R3HCC1L: variants seen among roughly 807,000 people sequenced by gnomAD.
R3HCC1L encodes coiled-coil domain-containing protein R3HCC1L.
A neutral mutation model predicts 59.9 loss-of-function variants in R3HCC1L; 51 were observed. The ratio of observed to expected loss-of-function variants is 0.85; its 90% CI spans 0.68 to 1.07. The LOEUF (loss-of-function observed/expected upper bound fraction) is 1.07. R3HCC1L is among the 50% of genes least tolerant of loss of function. R3HCC1L has a pLI of 0.00. For synonymous variants in R3HCC1L, 322 were observed against 315.2 expected (o/e 1.02, Z -0.23); for missense variants, 965 against 933.0 (o/e 1.03, Z -0.45).
At chr10:98,179,943 A>G (rs1338352949) in intron 4 of R3HCC1L, among the ~76,000 whole-genome samples, 1 of 150,986 alleles carries the variant, frequency 6.6e-6, no homozygotes, top group Non-Finnish European at 1.5e-5. Context: ...CATCTATTTG[A>G]TTCTTCTCTT....
At chr10:98,186,509 C>T in intron 4 of R3HCC1L, 1 of 983,542 alleles carries the variant, frequency 1.0e-6, no homozygotes, top group Non-Finnish European at 1.2e-6. Context: ...TTACATAAAC[C>T]TTTAGAACTT....
chr10:98,146,247 G>T (rs1475082911), intron 1 of R3HCC1L, among the ~76,000 whole-genome samples: 1 of 152,058 alleles, frequency 6.6e-6, no homozygotes, highest in Admixed American at 6.5e-5. Context: ...TGGTGGGGGG[G>T]ACATGTGATA....
At chr10:98,224,174 T>C (rs1411899396) in intron 5 of R3HCC1L, among the ~76,000 whole-genome samples, 1 of 151,728 alleles carries the variant, frequency 6.6e-6, no homozygotes, top group African/African-American at 2.4e-5. Flanking sequence ...TGTGCATGAG[T>C]GACAGGTGGG....
chr10:98,232,816 A>G (rs1261345703), intron 6 of R3HCC1L, among the ~76,000 whole-genome samples: 1 of 152,240 alleles, frequency 6.6e-6, no homozygotes, highest in Non-Finnish European at 1.5e-5. Flanking sequence ...ATAAATGAGC[A>G]TGGCTGTAAA....
chr10:98,201,901 T>TAA (rs1376527495), intron 4 of R3HCC1L, among the ~76,000 whole-genome samples: 17 of 140,718 alleles, frequency 1.2e-4, no homozygotes, highest in Admixed American at 3.7e-4. Context: ...TTTTTTTTTT[T>TAA]AAAGAGACGG....
intron 1 of R3HCC1L, among the ~76,000 whole-genome samples, chr10:98,154,251 C>T (rs531964750): frequency 4.6e-4 from 70 of 151,080 alleles, no homozygotes; most frequent in Middle Eastern, 3.4e-3. Flanking sequence ...ATCTTAGCCC[C>T]ATGTGAGGCA....
At chr10:98,147,521 T>C (rs566177610) in intron 1 of R3HCC1L, among the ~76,000 whole-genome samples, 1 of 152,306 alleles carries the variant, frequency 6.6e-6, no homozygotes, top group East Asian at 1.9e-4. Context: ...AATGTTTTCT[T>C]CTAATAATTT....
At chr10:98,207,158 A>G (rs1228531474) in intron 4 of R3HCC1L, among the ~76,000 whole-genome samples, 1 of 152,134 alleles carries the variant, frequency 6.6e-6, no homozygotes, top group East Asian at 1.9e-4. Flanking sequence ...CAGTGTGTGC[A>G]TCTGTGTGTA....
At chr10:98,165,886 C>G (rs1847895929) in intron 4 of R3HCC1L, among the ~76,000 whole-genome samples, 1 of 152,126 alleles carries the variant, frequency 6.6e-6, no homozygotes, top group Admixed American at 6.5e-5. Flanking sequence ...AGGAAGAAGC[C>G]AGGGACCAGG....
chr10:98,185,641 A>G (rs1237450467), intron 4 of R3HCC1L, among the ~76,000 whole-genome samples: 2 of 152,258 alleles, frequency 1.3e-5, no homozygotes, highest in Non-Finnish European at 1.5e-5. Context: ...CCATGTGGCT[A>G]TAAAGCATAT....
chr10:98,239,009 C>G (rs1019087482), intron 9 of R3HCC1L, among the ~76,000 whole-genome samples: 2 of 152,174 alleles, frequency 1.3e-5, no homozygotes, highest in African/African-American at 4.8e-5. Flanking sequence ...AATCTGGGCT[C>G]TAATAGAGCT....
intron 4 of R3HCC1L, among the ~76,000 whole-genome samples, chr10:98,182,144 G>T (rs995941709): frequency 3.9e-5 from 6 of 152,168 alleles, no homozygotes; most frequent in East Asian, 1.9e-4. Flanking sequence ...CCCCATCTTT[G>T]TGGTTTTATC....
intron 1 of R3HCC1L, among the ~76,000 whole-genome samples, chr10:98,151,727 G>A (rs2066685382): frequency 6.6e-6 from 1 of 152,134 alleles, no homozygotes; most frequent in South Asian, 2.1e-4. Flanking sequence ...TAAGGGTGCA[G>A]GAGGCAGAAA....
chr10:98,147,707 T>TA (rs1845792348), intron 1 of R3HCC1L, among the ~76,000 whole-genome samples: 1 of 152,178 alleles, frequency 6.6e-6, no homozygotes, highest in Non-Finnish European at 1.5e-5. Context: ...TTGTCAAAAA[T>TA]AAATTGGCTG....
At chr10:98,206,371 G>A (rs1852664051) in intron 4 of R3HCC1L, among the ~76,000 whole-genome samples, 1 of 147,478 alleles carries the variant, frequency 6.8e-6, no homozygotes, top group Non-Finnish European at 1.5e-5. Context: ...TGTATTTACT[G>A]CTTTAAACCT....
chr10:98,172,223 T>C (rs1197369363), intron 4 of R3HCC1L, among the ~76,000 whole-genome samples: 1 of 152,182 alleles, frequency 6.6e-6, no homozygotes, highest in Non-Finnish European at 1.5e-5. Context: ...TCACTACTGC[T>C]GCAGAGTTCA....
At chr10:98,211,998 A>C (rs1853635631) in intron 5 of R3HCC1L, among the ~76,000 whole-genome samples, 1 of 152,158 alleles carries the variant, frequency 6.6e-6, no homozygotes, top group Non-Finnish European at 1.5e-5. Context: ...TTTTAAGCTG[A>C]AGATGGACAG....
At chr10:98,214,417 A>G (rs1564708960) in intron 5 of R3HCC1L, among the ~76,000 whole-genome samples, 1 of 152,160 alleles carries the variant, frequency 6.6e-6, no homozygotes, top group Non-Finnish European at 1.5e-5. Flanking sequence ...GATTTTCTTC[A>G]GTAGAAAGTG....
intron 1 of R3HCC1L, among the ~76,000 whole-genome samples, chr10:98,155,729 C>G (rs909152460): frequency 1.3e-5 from 2 of 151,832 alleles, no homozygotes; most frequent in African/African-American, 4.8e-5. Flanking sequence ...ACTCCTTAAG[C>G]TATTTCTTCT....
Sources: allele counts gnomAD v4.1 joint callset (sites outside exome capture counted in the v4.1 genomes callset), GRCh38; gene constraint gnomAD v4.1.1; transcripts MANE v1.5; gene names NCBI Gene and HGNC (gene_info 2026-07-23, HGNC 2026-07-21).